The following WDPCP variants were observed in gnomAD, a reference collection of about 807,000 sequenced individuals.
WDPCP encodes WD repeat containing planar cell polarity effector.
WDPCP carries 71 observed loss-of-function variants against 93.1 expected under a neutral mutation model. That is an observed-to-expected ratio of 0.76 (90% CI 0.63 to 0.93). The LOEUF (loss-of-function observed/expected upper bound fraction) is 0.93, where lower values mean the gene tolerates loss of function less well. Among genes scored for constraint, WDPCP ranks in the 40% least tolerant of loss-of-function variants. The pLI, the probability that WDPCP is intolerant of heterozygous loss-of-function variation, is 0.00. For synonymous variants in WDPCP, 315 were observed against 315.0 expected, an observed-to-expected ratio of 1.00 and a Z score of 0.00; for missense variants, 844 against 887.4, an observed-to-expected ratio of 0.95 and a Z score of 0.62.
intron 14 of WDPCP, among the ~76,000 whole-genome samples, chr2:63,190,864 T>G (rs984871233): frequency 6.6e-6 from 1 of 152,140 alleles, no homozygotes; most frequent in African/African-American, 2.4e-5. Context: ...GAATGACCTA[T>G]TACTTTATAA....
chr2:63,384,328 C>A (rs1185588350), intron 10 of WDPCP, among the ~76,000 whole-genome samples: 1 of 152,072 alleles, frequency 6.6e-6, no homozygotes, highest in Non-Finnish European at 1.5e-5. Context: ...TACAGAACTA[C>A]TGACATTTAA....
intron 2 of WDPCP, among the ~76,000 whole-genome samples, chr2:63,809,727 A>G (rs1276444729): frequency 6.6e-6 from 1 of 151,928 alleles, no homozygotes; most frequent in Non-Finnish European, 1.5e-5. Context: ...GCTCGTTAAG[A>G]GTCATCACCA....
chr2:63,345,767 C>A (rs993657305), intron 12 of WDPCP, among the ~76,000 whole-genome samples: 1 of 152,088 alleles, frequency 6.6e-6, no homozygotes, highest in Non-Finnish European at 1.5e-5. Context: ...TCTGATACTG[C>A]AGAACTCTTG....
chr2:63,374,805 C>T (rs970964829), intron 12 of WDPCP, among the ~76,000 whole-genome samples: 1 of 149,060 alleles, frequency 6.7e-6, no homozygotes, highest in Non-Finnish European at 1.5e-5. Context: ...TATCGTTTTA[C>T]AATATTGCTT....
chr2:63,354,987 AG>A (rs1395230636), intron 12 of WDPCP, among the ~76,000 whole-genome samples: 1 of 152,186 alleles, frequency 6.6e-6, no homozygotes, highest in African/African-American at 2.4e-5. Context: ...CCTGAAAGGG[AG>A]GGGGAGAAAG....
At chr2:63,836,178 G>C in the WDPCP span, among the ~76,000 whole-genome samples, 1 of 152,164 alleles carries the variant, frequency 6.6e-6, no homozygotes, top group Non-Finnish European at 1.5e-5. Context: ...TTAATATTTC[G>C]TTAGGTTGGT....
intron 6 of WDPCP, chr2:63,442,877 G>A (rs1199606128): frequency 6.6e-6 from 1 of 152,164 alleles, no homozygotes; most frequent in Non-Finnish European, 1.5e-5. Context: ...TTTATGAGAT[G>A]AAGAAGGAAA....
intron 10 of WDPCP, among the ~76,000 whole-genome samples, chr2:63,401,977 A>C (rs1368983712): frequency 1.3e-5 from 2 of 152,212 alleles, no homozygotes; most frequent in Non-Finnish European, 2.9e-5. Flanking sequence ...TACTGAGTAT[A>C]TACCCAAAGG....
chr2:63,359,360 A>T (rs1432981256), intron 12 of WDPCP, among the ~76,000 whole-genome samples: 1 of 152,240 alleles, frequency 6.6e-6, no homozygotes, highest in Non-Finnish European at 1.5e-5. Flanking sequence ...TAGGCAACGG[A>T]CATGAAAAGA....
chr2:63,714,826 C>G (rs1669312093), intron 2 of WDPCP, among the ~76,000 whole-genome samples: 1 of 152,180 alleles, frequency 6.6e-6, no homozygotes, highest in Non-Finnish European at 1.5e-5. Flanking sequence ...GAGACTCCGT[C>G]TCAAAACAAA....
chr2:63,340,451 C>A (rs1229070050), intron 12 of WDPCP, among the ~76,000 whole-genome samples: 2 of 152,132 alleles, frequency 1.3e-5, no homozygotes, highest in Non-Finnish European at 2.9e-5. Flanking sequence ...TCCTGCCTAC[C>A]TACTCTGTCT....
chr2:63,728,847 A>G (rs768442946), intron 2 of WDPCP, among the ~76,000 whole-genome samples: 2 of 152,220 alleles, frequency 1.3e-5, no homozygotes, highest in Non-Finnish European at 2.9e-5. Context: ...CATGAACTGA[A>G]AATATTTGGG....
In WDPCP at chr2:63,415,897, A is replaced by G. The variant is rs1043663003; in HGVS notation, c.826-11240T>C. ...GCTTGTGCTTTTTGTCCAGTAGCTA[A>G]TAATATAGGTAACTTTGCTCTGAAT... On this transcript the variant is annotated intron_variant, in intron 9 of 17. Transcript: ENST00000272321. Among the ~76,000 whole-genome samples, 4 of 152,222 alleles carry G rather than the reference A, an allele frequency of 2.6e-5. No homozygotes were observed. In the East Asian group the frequency reaches 7.7e-4, roughly 29 times the overall value.
chr2:63,445,749 G>A (rs58816784), intron 6 of WDPCP, among the ~76,000 whole-genome samples: 2,289 of 152,272 alleles, frequency 0.015, 56 homozygotes, highest in African/African-American at 0.052. Flanking sequence ...TAGTTTTAAA[G>A]ATCTAAAGAG....
intron 3 of WDPCP, among the ~76,000 whole-genome samples, chr2:63,623,619 C>T (rs1709774630): frequency 2.6e-5 from 4 of 151,882 alleles, no homozygotes. Context: ...AAGGGATCAA[C>T]ACAACAAGAA....
intron 13 of WDPCP, among the ~76,000 whole-genome samples, chr2:63,296,823 C>G (rs1490937772): frequency 6.6e-6 from 1 of 152,128 alleles, no homozygotes; most frequent in East Asian, 1.9e-4. Flanking sequence ...ACATTCCATG[C>G]TCATGGATTT....
At chr2:63,749,012 C>A (rs1228005718) in intron 2 of WDPCP, among the ~76,000 whole-genome samples, 2 of 152,032 alleles carry the variant, frequency 1.3e-5, no homozygotes, top group African/African-American at 2.4e-5. Flanking sequence ...GTGTGAGGAC[C>A]ATCTTGTGAT....
intron 9 of WDPCP, among the ~76,000 whole-genome samples, chr2:63,408,209 AG>A (rs1694746233): frequency 6.6e-6 from 1 of 152,142 alleles, no homozygotes; most frequent in Admixed American, 6.6e-5. Context: ...GACTCTCTGA[AG>A]GAAGCGGACT....
chr2:63,519,581 G>A (rs1702789766), intron 1 of WDPCP, among the ~76,000 whole-genome samples: 1 of 152,130 alleles, frequency 6.6e-6, no homozygotes, highest in Non-Finnish European at 1.5e-5. Context: ...ACAAATCTGG[G>A]GGCCTGATAC....
Sources: allele counts gnomAD v4.1 joint callset (sites outside exome capture counted in the v4.1 genomes callset), GRCh38; gene constraint gnomAD v4.1.1; transcripts MANE v1.5; gene names NCBI Gene and HGNC (gene_info 2026-07-23, HGNC 2026-07-21).